Variants in FAM117B observed in about 807,000 individuals in gnomAD.
The protein encoded by FAM117B is family with sequence similarity 117 member B.
A neutral mutation model predicts 52.8 loss-of-function variants in FAM117B; 22 were observed. The observed-to-expected ratio is 0.42, with a 90% CI of 0.30 to 0.59. The LOEUF (loss-of-function observed/expected upper bound fraction) is 0.59. Among genes scored for constraint, FAM117B ranks in the 20% least tolerant of loss-of-function variants. The probability of loss-of-function intolerance (pLI) is 0.22; values close to 1 mark genes in which losing one functional copy is unlikely to be tolerated. For missense variants in FAM117B, 678 were observed against 802.6 expected, an observed-to-expected ratio of 0.84 and a Z score of 1.88; for synonymous variants, 309 against 324.1, an observed-to-expected ratio of 0.95 and a Z score of 0.50.
intron 7 of FAM117B, among the ~76,000 whole-genome samples, chr2:202,764,340 G>C (rs1574308860): frequency 6.6e-6 from 1 of 151,928 alleles, no homozygotes; most frequent in African/African-American, 2.4e-5. Context: ...TTATGGCTCA[G>C]TACAACCTCC....
In FAM117B at chr2:202,635,292, G is replaced by A. The variant is rs1471638967; in HGVS notation, c.105G>A (p.Met35Ile). 2 of 1,417,984 alleles carry A rather than the reference G, an allele frequency of 1.4e-6. No homozygotes were observed. The highest frequency in any genetic ancestry group is 1.8e-6 in the Non-Finnish European group (2 of 1,082,840). 87.8% of individuals were successfully genotyped at this position (1,417,984 alleles called of 1,614,324 possible). Residue 35 changes from methionine (M) to isoleucine (I), a missense_variant, in exon 1 of 8, where the codon ATG becomes ATA. Around this residue, in one of 3 missense-constraint regions of FAM117B, gnomAD observed 583 missense variants for 644.8 expected, o/e 0.90. Transcript: ENST00000392238. ...AGGPGSRLQP[M>I]RATVPFQLKQ... ...GACCCGGGAGCCGCTTGCAGCCCAT[G>A]AGGGCGACGGTTCCGTTCCAGCTGA...
chr2:202,691,712 C>T (rs555118970), intron 1 of FAM117B, among the ~76,000 whole-genome samples: 3 of 146,038 alleles, frequency 2.1e-5, no homozygotes, highest in African/African-American at 7.4e-5. Flanking sequence ...CGCGCGCCTC[C>T]CCACCCTGCC....
At chr2:202,744,317 T>C (rs956163663) in intron 4 of FAM117B, among the ~76,000 whole-genome samples, 2 of 152,168 alleles carry the variant, frequency 1.3e-5, no homozygotes, top group Non-Finnish European at 2.9e-5. Context: ...AGATAACATA[T>C]CAAGTGAGGA....
chr2:202,682,756 G>GA (rs1559101288), intron 1 of FAM117B, among the ~76,000 whole-genome samples: 1 of 152,178 alleles, frequency 6.6e-6, no homozygotes, highest in African/African-American at 2.4e-5. Flanking sequence ...AAAGATTCTT[G>GA]AAAAATCTCA....
intron 1 of FAM117B, among the ~76,000 whole-genome samples, chr2:202,671,329 C>G (rs1174163882): frequency 6.6e-6 from 1 of 152,214 alleles, no homozygotes; most frequent in Non-Finnish European, 1.5e-5. Context: ...GTATACCACA[C>G]TGGGCAACTG....
intron 2 of FAM117B, among the ~76,000 whole-genome samples, chr2:202,704,757 AATAT>A (rs752038272): frequency 6.7e-6 from 1 of 149,962 alleles, no homozygotes; most frequent in Non-Finnish European, 1.5e-5. Flanking sequence ...ATGCCCGGCT[AATAT>A]ATATATATAT....
At position 202,769,594 on chromosome 2, in the gene FAM117B, A is replaced by G. The variant is rs975642731; in HGVS notation, c.*3830A>G. 6.6e-6 allele frequency: 1 copy of G among 152,564 alleles called. No homozygotes were observed. Among genetic ancestry groups the G allele is most frequent in the Non-Finnish European group, 1.5e-5 (1 of 68,010 alleles). 9.5% of individuals were successfully genotyped at this position (152,564 alleles called of 1,614,324 possible). ...GCTGTGTAACTCTTTTTAAAATGCA[A>G]TTTAAAACATTTTGTTATTCTAACA... On this transcript the variant is annotated 3_prime_UTR_variant, in exon 8 of 8. Coordinates refer to ENST00000392238, the MANE Select transcript of FAM117B (RefSeq NM_173511.4).
intron 4 of FAM117B, among the ~76,000 whole-genome samples, chr2:202,740,162 G>C (rs1327621875): frequency 2.4e-5 from 2 of 81,676 alleles, no homozygotes; most frequent in Non-Finnish European, 4.2e-5. Context: ...GACAGAGCGA[G>C]ACTTCATCCC....
intron 1 of FAM117B, among the ~76,000 whole-genome samples, chr2:202,639,623 G>A (rs1164518994): frequency 6.6e-6 from 1 of 152,184 alleles, no homozygotes; most frequent in Non-Finnish European, 1.5e-5. Context: ...TGGGTAGACA[G>A]TTTGAGTTTA....
chr2:202,754,518 C>G (rs1466451544), intron 4 of FAM117B, among the ~76,000 whole-genome samples: 1 of 151,612 alleles, frequency 6.6e-6, no homozygotes, highest in Non-Finnish European at 1.5e-5. Context: ...AATAATAAAC[C>G]CCCCCCAGAA....
intron 4 of FAM117B, among the ~76,000 whole-genome samples, chr2:202,745,729 T>C (rs1028138105): frequency 6.6e-6 from 1 of 152,112 alleles, no homozygotes; most frequent in Non-Finnish European, 1.5e-5. Context: ...AAAACACATA[T>C]TGATTTAAAG....
chr2:202,749,511 A>G (rs552175883), intron 4 of FAM117B, among the ~76,000 whole-genome samples: 1 of 152,018 alleles, frequency 6.6e-6, no homozygotes, highest in South Asian at 2.1e-4. Context: ...GTATATGTAT[A>G]TAGAAGAAAA....
intron 1 of FAM117B, among the ~76,000 whole-genome samples, chr2:202,693,331 G>A (rs769309063): frequency 6.1e-5 from 9 of 146,374 alleles, no homozygotes; most frequent in African/African-American, 2.0e-4. Flanking sequence ...AACACTGGCC[G>A]GGTGTGGTGC....
At chr2:202,672,455 C>T (rs1254622980) in intron 1 of FAM117B, among the ~76,000 whole-genome samples, 1 of 152,174 alleles carries the variant, frequency 6.6e-6, no homozygotes. Context: ...CTCAAGTGAT[C>T]CACCCGCCTT....
In FAM117B at chr2:202,768,480, A is replaced by G. The variant is rs1231378216; in HGVS notation, c.*2716A>G. 6 of 152,664 alleles carry G rather than the reference A, an allele frequency of 3.9e-5. No individual in the cohort carries two copies. The highest frequency in any genetic ancestry group is 7.3e-5 in the Non-Finnish European group (5 of 68,036). The allele number at this position is 152,664 out of a possible 1,614,324, so 9.5% of individuals were successfully genotyped here. A position where few individuals can be genotyped will look rare whatever the true frequency, so the allele number is the denominator to read the frequency against. ...AGAGCTTGAGATTTGAAAAAAAGGT[A>G]CAAGGTACAAAACAACTCTAACTGC... On this transcript the variant is annotated 3_prime_UTR_variant, in exon 8 of 8. Coordinates refer to ENST00000392238, the MANE Select transcript of FAM117B (RefSeq NM_173511.4).
intron 4 of FAM117B, among the ~76,000 whole-genome samples, chr2:202,742,398 A>G (rs1387915789): frequency 6.6e-6 from 1 of 152,240 alleles, no homozygotes; most frequent in African/African-American, 2.4e-5. Flanking sequence ...ACTCAAGTAC[A>G]TACAGAAATT....
At position 202,769,224 on chromosome 2, in the gene FAM117B, T is replaced by TA. The variant is rs1381534459; in HGVS notation, c.*3467dup. On this transcript the variant is annotated 3_prime_UTR_variant, in exon 8 of 8. Coordinates refer to ENST00000392238, the MANE Select transcript of FAM117B (RefSeq NM_173511.4). The stretch of plus-strand genomic sequence containing the variant: ...GGTTGGCTTTCACTGAAAGAAAGTG[T>TA]AAAAAAAGTCAGAATTTATAGCTTT... 1.3e-5 allele frequency: 2 copies of TA among 152,230 alleles called. No homozygotes were observed. Among genetic ancestry groups the TA allele is most frequent in the Non-Finnish European group, 2.9e-5 (2 of 67,994 alleles). 9.4% of individuals were successfully genotyped at this position (152,230 alleles called of 1,614,324 possible).
At chr2:202,638,034 G>A (rs1400988428) in intron 1 of FAM117B, among the ~76,000 whole-genome samples, 1 of 152,002 alleles carries the variant, frequency 6.6e-6, no homozygotes, top group Non-Finnish European at 1.5e-5. Context: ...GCGCTACCAC[G>A]CCTGGCTAAT....
chr2:202,649,324 T>C (rs1446495333), intron 1 of FAM117B, among the ~76,000 whole-genome samples: 2 of 152,284 alleles, frequency 1.3e-5, no homozygotes, highest in East Asian at 3.9e-4. Flanking sequence ...TCTTCACTAT[T>C]GTTGCCTCTT....
Sources: allele counts gnomAD v4.1 joint callset (sites outside exome capture counted in the v4.1 genomes callset), GRCh38; gene constraint gnomAD v4.1.1; regional missense constraint gnomAD v4.1.1; transcripts MANE v1.5; gene names NCBI Gene and HGNC (gene_info 2026-07-23, HGNC 2026-07-21).